The following CADPS2 variants were observed in gnomAD, a reference collection of about 807,000 sequenced individuals.
CADPS2 encodes the protein calcium dependent secretion activator 2, also known as calcium-dependent secretion activator 2.
CADPS2 carries 93 observed loss-of-function variants against 172.5 expected under a neutral mutation model. The ratio of observed to expected loss-of-function variants is 0.54; its 90% CI spans 0.46 to 0.64. The LOEUF (loss-of-function observed/expected upper bound fraction) is 0.64. Among genes scored for constraint, CADPS2 ranks in the 30% least tolerant of loss-of-function variants. The pLI is 0.00. For missense variants in CADPS2, 1,420 were observed against 1,565.9 expected (o/e 0.91, Z 1.57); for synonymous variants, 546 against 555.2 (o/e 0.98, Z 0.23).
chr7:122,691,547 T>C (rs777981423), intron 2 of CADPS2, among the ~76,000 whole-genome samples: 3 of 152,204 alleles, frequency 2.0e-5, no homozygotes, highest in Non-Finnish European at 2.9e-5. Flanking sequence ...AAGGTGGGCA[T>C]TGCCACTTCT....
chr7:122,880,481 A>G (rs1822606027), intron 1 of CADPS2, among the ~76,000 whole-genome samples: 1 of 152,178 alleles, frequency 6.6e-6, no homozygotes, highest in African/African-American at 2.4e-5. Flanking sequence ...TTTCCTGCAC[A>G]TGGAATACCA....
chr7:122,725,248 C>A (rs529455683), intron 2 of CADPS2, among the ~76,000 whole-genome samples: 26 of 152,066 alleles, frequency 1.7e-4, no homozygotes, highest in African/African-American at 6.0e-4. Flanking sequence ...TTTTCCCATC[C>A]TAGTTCACAG....
chr7:122,386,338 A>G, intron 24 of CADPS2: 1 of 1,369,888 alleles, frequency 7.3e-7, no homozygotes, highest in Non-Finnish European at 9.7e-7. Flanking sequence ...GGAAAAAAAA[A>G]GATGATGAAA....
At chr7:122,665,980 TAAG>T (rs1007182358) in intron 2 of CADPS2, among the ~76,000 whole-genome samples, 2 of 152,192 alleles carry the variant, frequency 1.3e-5, no homozygotes, top group African/African-American at 4.8e-5. Context: ...ATGTTTTGTC[TAAG>T]AATGACAAGA....
chr7:122,480,227 G>T, intron 12 of CADPS2: 1 of 445,156 alleles, frequency 2.2e-6, no homozygotes, highest in Non-Finnish European at 4.7e-6. Flanking sequence ...GCTTATTAGA[G>T]AAATCTATAA....
At chr7:122,435,351 A>G (rs2050497093) in intron 17 of CADPS2, among the ~76,000 whole-genome samples, 1 of 152,166 alleles carries the variant, frequency 6.6e-6, no homozygotes, top group Admixed American at 6.6e-5. Flanking sequence ...AAGAAACTGA[A>G]TAGACATTGC....
chr7:122,699,074 G>A (rs2085621112), intron 2 of CADPS2: 1 of 599,580 alleles, frequency 1.7e-6, no homozygotes, highest in African/African-American at 1.9e-5. Flanking sequence ...GATGGCTTAT[G>A]AGTTTCAGAT....
chr7:122,724,738 CT>C (rs57164887), intron 2 of CADPS2, among the ~76,000 whole-genome samples: 3 of 151,982 alleles, frequency 2.0e-5, no homozygotes, highest in South Asian at 2.1e-4. Flanking sequence ...GTTTTTTCAC[CT>C]TTTTTTTTCC....
At chr7:122,490,037 A>T (rs367561271) in intron 11 of CADPS2, 44 bp downstream of exon 11, 1 of 1,518,342 alleles carries the variant, frequency 6.6e-7, no homozygotes, top group Non-Finnish European at 9.1e-7. Context: ...ATATCTTATT[A>T]AGGCTATTAA....
intron 28 of CADPS2, chr7:122,331,180 C>G (rs1434569584): frequency 6.6e-6 from 1 of 151,686 alleles, no homozygotes; most frequent in Non-Finnish European, 1.5e-5. Context: ...ACTTATTCAT[C>G]TGGCCTCTTA....
intron 3 of CADPS2, 23 bp downstream of exon 3, chr7:122,663,214 G>T: frequency 6.5e-7 from 1 of 1,532,288 alleles, no homozygotes; most frequent in Non-Finnish European, 9.0e-7. Context: ...ACAGGGGAAG[G>T]GAAAATATCA....
At chr7:122,406,281 C>T (rs1315540408) in intron 20 of CADPS2, among the ~76,000 whole-genome samples, 1 of 152,166 alleles carries the variant, frequency 6.6e-6, no homozygotes, top group Non-Finnish European at 1.5e-5. Flanking sequence ...ACAAAGACAA[C>T]TACAAAAACA....
At chr7:122,809,918 G>T (rs1479887520) in intron 1 of CADPS2, among the ~76,000 whole-genome samples, 1 of 152,076 alleles carries the variant, frequency 6.6e-6, no homozygotes. Flanking sequence ...TCATTCAAAG[G>T]TACTAATGGC....
intron 7 of CADPS2, among the ~76,000 whole-genome samples, chr7:122,564,098 T>C (rs2066095145): frequency 6.6e-6 from 1 of 152,172 alleles, no homozygotes; most frequent in African/African-American, 2.4e-5. Context: ...GGATAAGGGA[T>C]ACTCAACCTG....
chr7:122,365,421 A>T (rs768249088), intron 25 of CADPS2, among the ~76,000 whole-genome samples: 18 of 152,192 alleles, frequency 1.2e-4, no homozygotes, highest in Non-Finnish European at 2.2e-4. Context: ...TAGAAGAGCT[A>T]CCTTAAAAAT....
intron 28 of CADPS2, among the ~76,000 whole-genome samples, chr7:122,329,394 G>A (rs1464658276): frequency 6.6e-6 from 1 of 152,136 alleles, no homozygotes; most frequent in East Asian, 1.9e-4. Context: ...GCTGTAAAGG[G>A]CTCTGCTCTT....
chr7:122,877,649 G>A (rs1374927254), intron 1 of CADPS2, among the ~76,000 whole-genome samples: 1 of 151,992 alleles, frequency 6.6e-6, no homozygotes, highest in Non-Finnish European at 1.5e-5. Context: ...GATTATAAAT[G>A]CAAGAGATCT....
intron 9 of CADPS2, among the ~76,000 whole-genome samples, chr7:122,500,672 G>T (rs183701478): frequency 3.3e-5 from 5 of 152,064 alleles, no homozygotes; most frequent in Admixed American, 3.3e-4. Flanking sequence ...TTATAAGAAA[G>T]CCATCAAAAT....
At chr7:122,423,150 T>C (rs2048733939) in intron 17 of CADPS2, among the ~76,000 whole-genome samples, 1 of 152,038 alleles carries the variant, frequency 6.6e-6, no homozygotes, top group Non-Finnish European at 1.5e-5. Flanking sequence ...TTATCTAGAT[T>C]TTCTGACCCT....
Sources: allele counts gnomAD v4.1 joint callset (sites outside exome capture counted in the v4.1 genomes callset), GRCh38; gene constraint gnomAD v4.1.1; transcripts MANE v1.5; gene names NCBI Gene and HGNC (gene_info 2026-07-23, HGNC 2026-07-21).